The following XKR6 variants were observed in gnomAD, a reference collection of about 807,000 sequenced individuals.
XKR6 encodes XK-related protein 6.
In XKR6, 22 loss-of-function variants were observed where a neutral mutation model predicts 56.7. The observed-to-expected ratio is 0.39, with a 90% CI of 0.28 to 0.55. The LOEUF is 0.55. Ranked by LOEUF, XKR6 falls within the 20% of genes least tolerant of loss-of-function variation. The pLI is 0.66. For synonymous variants in XKR6, 524 were observed against 387.8 expected (o/e 1.35, Z -4.13); for missense variants, 852 against 889.0 (o/e 0.96, Z 0.53).
intron 2 of XKR6, among the ~76,000 whole-genome samples, chr8:10,902,074 GC>G (rs1473522017): frequency 6.6e-6 from 1 of 152,168 alleles, no homozygotes; most frequent in South Asian, 2.1e-4. Context: ...TGGCAGTGGT[GC>G]TGAAACTACT....
chr8:11,121,484 G>C (rs1799450882), intron 1 of XKR6, among the ~76,000 whole-genome samples: 1 of 152,194 alleles, frequency 6.6e-6, no homozygotes, highest in African/African-American at 2.4e-5. Context: ...ACCACAATGA[G>C]ATACCATCTC....
chr8:10,984,732 C>CTCTCTCTCTCTCTCTCTATATATATATA, intron 1 of XKR6, among the ~76,000 whole-genome samples: 35 of 47,468 alleles, frequency 7.4e-4, no homozygotes, highest in South Asian at 1.7e-3. Flanking sequence ...CTCTCTCTCT[C>CTCTCTCTCTCTCTCTCTATATATATATA]TATATATATA....
At chr8:11,161,017 G>C (rs995302072) in intron 1 of XKR6, among the ~76,000 whole-genome samples, 9 of 151,900 alleles carry the variant, frequency 5.9e-5, no homozygotes, top group African/African-American at 2.2e-4. Flanking sequence ...GTGAATATGG[G>C]CCCTTCTAAC....
chr8:11,108,764 C>T lies in XKR6; in HGVS notation c.764+91812G>A, dbSNP rs1798778279. On this transcript the variant is annotated intron_variant, in intron 1 of 2. Transcript: ENST00000416569. ...CGCGAGAACAGAGTCAGATCACCGG[C>T]CAAGGTAAAATGAAGACGATCTTCT... 1.7e-5 allele frequency: 3 copies of T among 174,378 alleles called. No homozygotes were observed. In the Admixed American group the frequency reaches 1.9e-4, roughly 11 times the overall value. The allele number at this position is 174,378 out of a possible 1,614,324, so 10.8% of individuals were successfully genotyped here.
intron 1 of XKR6, among the ~76,000 whole-genome samples, chr8:11,170,750 C>G (rs970872302): frequency 1.3e-5 from 2 of 152,312 alleles, no homozygotes; most frequent in African/African-American, 2.4e-5. Flanking sequence ...CTTCAACATT[C>G]TGATACACAT....
intron 1 of XKR6, among the ~76,000 whole-genome samples, chr8:11,116,343 G>A (rs1189380791): frequency 3.9e-5 from 6 of 152,006 alleles, no homozygotes; most frequent in South Asian, 2.1e-4. Context: ...AGAACCTGTC[G>A]GCTACCCACA....
chr8:11,008,119 C>A (rs1229261226), intron 1 of XKR6, among the ~76,000 whole-genome samples: 1 of 152,200 alleles, frequency 6.6e-6, no homozygotes, highest in African/African-American at 2.4e-5. Flanking sequence ...GCCACGTTTA[C>A]TCTTTCCTTT....
chr8:11,129,907 A>G (rs1057472791), intron 1 of XKR6, among the ~76,000 whole-genome samples: 3 of 152,176 alleles, frequency 2.0e-5, no homozygotes, highest in East Asian at 1.9e-4. Flanking sequence ...TGCTTGATAT[A>G]TAACAGGAGA....
At chr8:11,190,337 G>A (rs1212001584) in intron 1 of XKR6, among the ~76,000 whole-genome samples, 1 of 152,102 alleles carries the variant, frequency 6.6e-6, no homozygotes, top group Admixed American at 6.5e-5. Flanking sequence ...TACAACTGCT[G>A]TTCTCAATGT....
At chr8:10,973,343 T>G (rs570708878) in intron 1 of XKR6, among the ~76,000 whole-genome samples, 19 of 152,208 alleles carry the variant, frequency 1.2e-4, no homozygotes, top group Admixed American at 3.3e-4. Flanking sequence ...CTGCAAGGGG[T>G]TCCCCTAAAT....
At position 11,003,025 on chromosome 8, in the gene XKR6, A is replaced by C. The variant is rs574916855; in HGVS notation, c.765-78195T>G. 2.6e-5 allele frequency among the ~76,000 whole-genome samples: 4 copies of C among 152,224 alleles called. No homozygotes were observed. The South Asian group carries it at 6.2e-4, about 24-fold the overall frequency. On this transcript the variant is annotated intron_variant, in intron 1 of 2. Transcript: ENST00000416569. ...GAAAAAAAAAAACCTCCAATCTAAC[A>C]ATTCCAAGTCAGGGACACTCCCTGC... is the stretch of plus-strand genomic sequence containing the variant.
intron 2 of XKR6, among the ~76,000 whole-genome samples, chr8:10,913,469 T>C (rs1467994706): frequency 1.1e-4 from 17 of 152,120 alleles, no homozygotes; most frequent in Admixed American, 1.1e-3. Context: ...TGAAAGCACT[T>C]CACTCAGCCA....
chr8:11,050,834 C>T (rs1442751114), intron 1 of XKR6, among the ~76,000 whole-genome samples: 1 of 152,112 alleles, frequency 6.6e-6, no homozygotes, highest in Non-Finnish European at 1.5e-5. Flanking sequence ...CACCTATCCC[C>T]CATTCCCCAG....
chr8:10,975,823 T>C (rs1802537561), intron 1 of XKR6, among the ~76,000 whole-genome samples: 1 of 152,298 alleles, frequency 6.6e-6, no homozygotes, highest in African/African-American at 2.4e-5. Context: ...GTTCAGATTC[T>C]GCTCTGACAC....
intron 1 of XKR6, among the ~76,000 whole-genome samples, chr8:11,181,634 T>C (rs1486699931): frequency 6.6e-6 from 1 of 152,206 alleles, no homozygotes; most frequent in Non-Finnish European, 1.5e-5. Flanking sequence ...ATAAGGTATA[T>C]AAAGGAAGAA....
intron 1 of XKR6, among the ~76,000 whole-genome samples, chr8:10,982,725 G>A (rs7832687): frequency 0.076 from 11,556 of 152,192 alleles, 1,495 homozygotes; most frequent in African/African-American, 0.26. Flanking sequence ...AGGCCCTGGC[G>A]TTTCTCTAAG....
rs1218039015 is a variant in XKR6 at position 11,200,439 on chromosome 8, G to C, written c.764+137C>G. The C allele has an allele frequency of 5.1e-6, 6 of 1,172,880 alleles. No homozygotes were observed. In the African/African-American group the frequency reaches 9.7e-5, roughly 19 times the overall value. The allele number at this position is 1,172,880 out of a possible 1,614,324, so 72.7% of individuals were successfully genotyped here. Reference sequence around the variant, plus strand: ...GATCAAACGCCGGTCTTTTGGAGACGCCAGGGGCGGCGCGCGGCCGGTCCC... The same window carrying C: ...GATCAAACGCCGGTCTTTTGGAGACCCCAGGGGCGGCGCGCGGCCGGTCCC... On this transcript the variant is annotated intron_variant, in intron 1 of 2. Transcript: ENST00000416569. This position sits in a 1 kb window ranked among gnomAD's most constrained non-coding sequence, Gnocchi z 6.4.
intron 1 of XKR6, among the ~76,000 whole-genome samples, chr8:11,024,202 G>A (rs1335472589): frequency 2.4e-5 from 3 of 125,792 alleles, no homozygotes; most frequent in Non-Finnish European, 5.0e-5. Context: ...TACCTGTTAG[G>A]AGGTGTGTGT....
intron 1 of XKR6, among the ~76,000 whole-genome samples, chr8:11,022,052 G>A (rs1419595359): frequency 6.6e-6 from 1 of 151,034 alleles, no homozygotes; most frequent in East Asian, 1.9e-4. Context: ...GCCTGAAGGA[G>A]TTCATGGCCC....
Sources: gnomAD v4.1 joint callset for allele counts (sites outside exome capture counted in the v4.1 genomes callset) on GRCh38, gnomAD v4.1.1 for gene constraint, Gnocchi (gnomAD v3.1) non-coding constraint, MANE v1.5 for transcripts, NCBI Gene and HGNC (gene_info 2026-07-23, HGNC 2026-07-21) for gene names.